Variants in SPECC1 observed in about 807,000 individuals in gnomAD.
The protein encoded by SPECC1 is cytospin-B.
Under a neutral mutation model 104.1 loss-of-function variants are expected in SPECC1, and 62 were observed. The observed-to-expected ratio is 0.60, with a 90% confidence interval of 0.49 to 0.74. The LOEUF is 0.74. Among genes scored for constraint, SPECC1 ranks in the 30% least tolerant of loss-of-function variants. The probability of loss-of-function intolerance (pLI) is 0.00; values close to 1 mark genes in which losing one functional copy is unlikely to be tolerated. For synonymous variants in SPECC1, 513 were observed against 501.6 expected (o/e 1.02, Z -0.30); for missense variants, 1,306 against 1,310.5 (o/e 1.00, Z 0.05).
At chr17:20,021,715 T>C (rs1321376380) in intron 1 of SPECC1, among the ~76,000 whole-genome samples, 1 of 146,430 alleles carries the variant, frequency 6.8e-6, no homozygotes, top group Non-Finnish European at 1.5e-5. Flanking sequence ...TTTTTGTACT[T>C]TTAGTAGAGA....
rs1277948735 is a variant in SPECC1 at position 20,314,123 on chromosome 17, C to T, written c.*58C>T. On this transcript the variant is annotated 3_prime_UTR_variant, in exon 15 of 15. Transcript: ENST00000395527. ...CCTACTGCAGCTTTTCCTGGAAGCG[C>T]CTGATTACTGTCCACTGACCCTGCT... 6.1e-6 allele frequency: 9 copies of T among 1,464,022 alleles called. No homozygotes were observed. The highest frequency in any genetic ancestry group is 8.5e-6 in the Non-Finnish European group (9 of 1,055,728). 90.7% of individuals were successfully genotyped at this position (1,464,022 alleles called of 1,614,324 possible).
At chr17:20,070,942 C>T (rs1403305442) in intron 1 of SPECC1, among the ~76,000 whole-genome samples, 1 of 151,966 alleles carries the variant, frequency 6.6e-6, no homozygotes, top group Admixed American at 6.6e-5. Context: ...GGATAATCTC[C>T]TATATTTTCT....
intron 3 of SPECC1, among the ~76,000 whole-genome samples, chr17:20,170,025 T>C (rs2703794): frequency 0.29 from 44,452 of 152,238 alleles, 8,291 homozygotes; most frequent in Non-Finnish European, 0.41. Flanking sequence ...CTGAAGACTT[T>C]ACCGTCACAG....
At chr17:20,152,034 C>T (rs2032051753) in intron 3 of SPECC1, among the ~76,000 whole-genome samples, 1 of 151,924 alleles carries the variant, frequency 6.6e-6, no homozygotes, top group Non-Finnish European at 1.5e-5. Context: ...GGCCTGGTGG[C>T]TCATGCCTGT....
chr17:20,152,180 A>T (rs2032065606), intron 3 of SPECC1, among the ~76,000 whole-genome samples: 1 of 152,160 alleles, frequency 6.6e-6, no homozygotes, highest in Admixed American at 6.5e-5. Context: ...TGCACCTGTA[A>T]TCCCAGCTAC....
At chr17:20,262,163 T>C (rs1305454584) in intron 12 of SPECC1, among the ~76,000 whole-genome samples, 1 of 152,236 alleles carries the variant, frequency 6.6e-6, no homozygotes, top group African/African-American at 2.4e-5. Context: ...TCTTCACCAT[T>C]TAGTAACCCA....
chr17:20,234,251 C>CA (rs1368774957), intron 7 of SPECC1, among the ~76,000 whole-genome samples: 1 of 152,082 alleles, frequency 6.6e-6, no homozygotes, highest in Non-Finnish European at 1.5e-5. Flanking sequence ...AATCCCTTCT[C>CA]AAAAAACATT....
chr17:20,060,594 T>C (rs1366680637), intron 1 of SPECC1, among the ~76,000 whole-genome samples: 4 of 152,246 alleles, frequency 2.6e-5, no homozygotes, highest in Non-Finnish European at 4.4e-5. Flanking sequence ...TTTTTAATTA[T>C]TCACCATTGT....
At chr17:20,159,056 A>G (rs1030955123) in intron 3 of SPECC1, among the ~76,000 whole-genome samples, 1 of 151,418 alleles carries the variant, frequency 6.6e-6, no homozygotes, top group African/African-American at 2.4e-5. Context: ...CTCCTGGGTT[A>G]AAGCGATCCT....
At chr17:20,022,452 A>T (rs1192116241) in intron 1 of SPECC1, among the ~76,000 whole-genome samples, 1 of 152,092 alleles carries the variant, frequency 6.6e-6, no homozygotes, top group African/African-American at 2.4e-5. Flanking sequence ...CTAATATGTT[A>T]TACGTCAGCT....
At chr17:20,061,229 G>A (rs966425120) in intron 1 of SPECC1, among the ~76,000 whole-genome samples, 21 of 152,202 alleles carry the variant, frequency 1.4e-4, no homozygotes, top group African/African-American at 4.6e-4. Context: ...CCGCCACCAC[G>A]CCCGGCTAAT....
At chr17:20,184,156 G>T (rs1301054000) in intron 3 of SPECC1, among the ~76,000 whole-genome samples, 3 of 148,266 alleles carry the variant, frequency 2.0e-5, no homozygotes, top group Non-Finnish European at 4.5e-5. Context: ...ACTCCGGCCT[G>T]GGTGACAGAG....
chr17:20,247,178 G>C (rs1283494860), intron 8 of SPECC1, 41 bp from the exon 9 acceptor site: 3 of 1,489,278 alleles, frequency 2.0e-6, no homozygotes, highest in Non-Finnish European at 2.8e-6. Flanking sequence ...CTATTTTGAA[G>C]TGGAACAACA....
At chr17:20,146,293 T>C (rs1178111469) in intron 3 of SPECC1, among the ~76,000 whole-genome samples, 2 of 152,238 alleles carry the variant, frequency 1.3e-5, no homozygotes, top group African/African-American at 4.8e-5. Context: ...GCTGGAATGA[T>C]GTAGTGTAGC....
In SPECC1 at chr17:20,296,964, A is replaced by G. The variant is rs2041374330; in HGVS notation, c.2944A>G (p.Ile982Val). The change falls in exon 13 of 15, where the codon ATT becomes GTT. Residue 982 changes from isoleucine to valine, a missense_variant. This residue lies in a region of SPECC1 where 129 missense variants were observed against 170.6 expected (regional missense o/e 0.76). Transcript: ENST00000395527. ...TTACTACTTTTCTCTCCTGCAGAAC[A>G]TTGACATCACCAATTTCAGCAGCAG... ...CQKKTQGYAN[I>V]DITNFSSSWS... 1.9e-6 allele frequency: 3 copies of G among 1,614,012 alleles called. No individual in the cohort carries two copies. Among genetic ancestry groups the G allele is most frequent in the Non-Finnish European group, 2.5e-6 (3 of 1,179,986 alleles).
chr17:20,186,554 G>C (rs555406185), intron 3 of SPECC1, among the ~76,000 whole-genome samples: 39 of 152,182 alleles, frequency 2.6e-4, no homozygotes, highest in Non-Finnish European at 5.1e-4. Context: ...TGGTTTACGT[G>C]ATTTTTGTAT....
At chr17:20,041,870 C>T (rs866191130) in intron 1 of SPECC1, among the ~76,000 whole-genome samples, 1 of 152,070 alleles carries the variant, frequency 6.6e-6, no homozygotes, top group African/African-American at 2.4e-5. Flanking sequence ...TGTGATCCAC[C>T]TGCCTCGGCC....
intron 3 of SPECC1, among the ~76,000 whole-genome samples, chr17:20,164,236 C>T (rs1481995472): frequency 6.7e-6 from 1 of 149,014 alleles, no homozygotes; most frequent in African/African-American, 2.5e-5. Flanking sequence ...TGCAGTGGTG[C>T]GATGCTGGCC....
At chr17:20,288,036 G>A (rs2041017693) in intron 12 of SPECC1, among the ~76,000 whole-genome samples, 2 of 147,078 alleles carry the variant, frequency 1.4e-5, no homozygotes, top group African/African-American at 5.0e-5. Flanking sequence ...ACTTATAAAT[G>A]AGAACATACT....
Sources: gnomAD v4.1 joint callset for allele counts (sites outside exome capture counted in the v4.1 genomes callset) on GRCh38, gnomAD v4.1.1 for gene constraint, gnomAD v4.1.1 regional missense constraint, MANE v1.5 for transcripts, NCBI Gene and HGNC (gene_info 2026-07-23, HGNC 2026-07-21) for gene names.